The following RBFOX1 variants were observed in gnomAD, a reference collection of about 807,000 sequenced individuals.
The protein encoded by RBFOX1 is RNA binding fox-1 homolog 1.
A neutral mutation model predicts 57.7 loss-of-function variants in RBFOX1; 8 were observed. The ratio of observed to expected loss-of-function variants is 0.14; its 90% confidence interval spans 0.08 to 0.25. The LOEUF (loss-of-function observed/expected upper bound fraction) is 0.25, where lower values mean the gene tolerates loss of function less well. RBFOX1 is among the 10% of genes least tolerant of loss of function. RBFOX1 has a pLI of 1.00. For missense variants in RBFOX1, 611 were observed against 548.5 expected, an observed-to-expected ratio of 1.11 and a Z score of -1.14; for synonymous variants, 326 against 222.4, an observed-to-expected ratio of 1.47 and a Z score of -4.15.
rs1233055214 is a variant in RBFOX1 at position 5,424,928 on chromosome 16, T to TC, written c.220-42288_220-42287insC. ...CTTTCTTTCTTTCTTTCTTTCTTTCTTTCTTTCTCTCTCTTCTTTCTTCCT... is the reference window on the plus strand; with the variant it reads ...CTTTCTTTCTTTCTTTCTTTCTTTCTCTTCTTTCTCTCTCTTCTTTCTTCCT... On this transcript the variant is annotated intron_variant, in intron 1 of 2. Transcript: ENST00000585867. Among the ~76,000 whole-genome samples, 669 of 121,602 alleles carry TC rather than the reference T, an allele frequency of 5.5e-3. 12 individuals are homozygous for TC. Among genetic ancestry groups the TC allele is most frequent in the Non-Finnish European group, 8.1e-3 (471 of 58,034 alleles). The allele number at this position is 121,602 out of a possible 152,430, so 79.8% of individuals were successfully genotyped here.
chr16:7,509,432 C>G (rs11647588), intron 4 of RBFOX1, among the ~76,000 whole-genome samples: 2,430 of 131,344 alleles, frequency 0.019, 36 homozygotes, highest in Non-Finnish European at 0.029. Flanking sequence ...GTGTGTGTGT[C>G]TGTGTCTGTG....
chr16:5,662,046 A>G (rs1169824442), intron 3 of RBFOX1, among the ~76,000 whole-genome samples: 3 of 152,100 alleles, frequency 2.0e-5, no homozygotes, highest in African/African-American at 7.2e-5. Flanking sequence ...TCGGCCTCCC[A>G]AAGTGCTGGG....
At chr16:7,039,869 C>A (rs61642487) in intron 3 of RBFOX1, among the ~76,000 whole-genome samples, 14,318 of 152,078 alleles carry the variant, frequency 0.094, 1,109 homozygotes, top group East Asian at 0.32. Context: ...TTTTTATTTT[C>A]TGTTTGTACT....
intron 4 of RBFOX1, among the ~76,000 whole-genome samples, chr16:7,266,405 C>A (rs963354747): frequency 6.6e-6 from 1 of 152,224 alleles, no homozygotes; most frequent in Non-Finnish European, 1.5e-5. Flanking sequence ...CCTGAGGCTT[C>A]GCTGGAAGCC....
In RBFOX1 at chr16:5,818,179, A is replaced by T. The variant is rs116906021; in HGVS notation, c.319-49124A>T. On this transcript the variant is annotated intron_variant, in intron 3 of 19. Coordinates refer to the RBFOX1 transcript ENST00000641259. ...GTTACCAATCATTGAGCAGTTGCTG[A>T]GCCAGGCTGTGTGTTAGGAGGTTTC... 6.6e-5 allele frequency among the ~76,000 whole-genome samples: 10 copies of T among 152,296 alleles called. No homozygotes were observed. In the East Asian group the frequency reaches 1.9e-3, roughly 29 times the overall value.
chr16:6,106,418 A>G (rs2096379456), intron 1 of RBFOX1, among the ~76,000 whole-genome samples: 1 of 139,468 alleles, frequency 7.2e-6, no homozygotes, highest in Non-Finnish European at 1.5e-5. Context: ...GTAAGCCAAG[A>G]TCGTGCCACT....
intron 5 of RBFOX1, among the ~76,000 whole-genome samples, chr16:7,547,306 C>T (rs1050454889): frequency 2.5e-4 from 38 of 152,218 alleles, no homozygotes; most frequent in Admixed American, 2.2e-3. Context: ...AGTGTGATGA[C>T]TTACAAAGTC....
chr16:5,931,776 G>C (rs2059064028), intron 4 of RBFOX1, among the ~76,000 whole-genome samples: 1 of 152,110 alleles, frequency 6.6e-6, no homozygotes, highest in Non-Finnish European at 1.5e-5. Context: ...CCTGAATATT[G>C]TTTGGAACTT....
At chr16:5,458,700 T>C (rs954320602) in intron 1 of RBFOX1, among the ~76,000 whole-genome samples, 1 of 152,196 alleles carries the variant, frequency 6.6e-6, no homozygotes, top group Admixed American at 6.5e-5. Context: ...TAAGGAATTT[T>C]AAGTTTTGGC....
At chr16:5,758,102 A>G (rs529309857) in intron 3 of RBFOX1, among the ~76,000 whole-genome samples, 116 of 152,310 alleles carry the variant, frequency 7.6e-4, no homozygotes, top group African/African-American at 2.3e-3. Context: ...CTGACCACCC[A>G]TATGTGTGGG....
At chr16:6,899,046 A>T (rs577129406) in intron 3 of RBFOX1, among the ~76,000 whole-genome samples, 1 of 151,364 alleles carries the variant, frequency 6.6e-6, no homozygotes, top group Non-Finnish European at 1.5e-5. Flanking sequence ...GTGTGTATGC[A>T]TGTGTATGTA....
intron 1 of RBFOX1, among the ~76,000 whole-genome samples, chr16:6,296,774 A>C (rs2078165873): frequency 1.3e-5 from 2 of 152,198 alleles, no homozygotes; most frequent in Admixed American, 1.3e-4. Flanking sequence ...GATCAGATCC[A>C]CATGAGTTTA....
intron 2 of RBFOX1, among the ~76,000 whole-genome samples, chr16:6,481,921 GA>G (rs903625871): frequency 3.3e-5 from 5 of 151,268 alleles, no homozygotes; most frequent in East Asian, 1.9e-4. Context: ...ATGCACAGAA[GA>G]AAAAAAAATC....
At chr16:5,315,390 A>G (rs890283825) in intron 1 of RBFOX1, among the ~76,000 whole-genome samples, 38 of 152,296 alleles carry the variant, frequency 2.5e-4, no homozygotes, top group Middle Eastern at 3.4e-3. Context: ...TAGAATTCAT[A>G]TCTTGCAGGA....
chr16:5,487,970 G>T (rs1424720183), intron 2 of RBFOX1, among the ~76,000 whole-genome samples: 1 of 152,038 alleles, frequency 6.6e-6, no homozygotes, highest in East Asian at 1.9e-4. Context: ...GATGATTATG[G>T]TGAAGACGAT....
At chr16:6,400,664 A>C (rs1440358071) in intron 2 of RBFOX1, among the ~76,000 whole-genome samples, 2 of 152,210 alleles carry the variant, frequency 1.3e-5, no homozygotes, top group Non-Finnish European at 2.9e-5. Flanking sequence ...CGGGCAAGTT[A>C]CTTGAAATCA....
chr16:7,087,079 C>G (rs1332778637), intron 4 of RBFOX1, among the ~76,000 whole-genome samples: 3 of 152,072 alleles, frequency 2.0e-5, no homozygotes, highest in African/African-American at 7.2e-5. Flanking sequence ...CTGAGCTGTG[C>G]GGTGTGAAGA....
At chr16:6,547,766 A>G (rs990928906) in intron 2 of RBFOX1, among the ~76,000 whole-genome samples, 1 of 151,478 alleles carries the variant, frequency 6.6e-6, no homozygotes, top group Non-Finnish European at 1.5e-5. Context: ...CTTCCTGGTC[A>G]TGTGTGATTT....
chr16:5,681,110 G>T (rs1011903885), intron 3 of RBFOX1, among the ~76,000 whole-genome samples: 5 of 151,984 alleles, frequency 3.3e-5, no homozygotes, highest in African/African-American at 1.2e-4. Context: ...GTCTCGCTCT[G>T]TCACCCAGTC....
Sources: allele counts gnomAD v4.1 joint callset (sites outside exome capture counted in the v4.1 genomes callset), GRCh38; gene constraint gnomAD v4.1.1; transcripts MANE v1.5; gene names NCBI Gene and HGNC (gene_info 2026-07-23, HGNC 2026-07-21).